The following CSMD3 variants were observed in gnomAD, a reference collection of about 807,000 sequenced individuals.
CSMD3 encodes the protein CUB and sushi domain-containing protein 3.
A neutral mutation model predicts 435.2 loss-of-function variants in CSMD3; 177 were observed. That is an observed-to-expected ratio of 0.41 (90% confidence interval 0.36 to 0.46). The LOEUF is 0.46. CSMD3 is among the 20% of genes least tolerant of loss of function. CSMD3 has a pLI of 0.34. For synonymous variants in CSMD3, 1,656 were observed against 1,520.5 expected, an observed-to-expected ratio of 1.09 and a Z score of -2.07; for missense variants, 4,265 against 4,504.6, an observed-to-expected ratio of 0.95 and a Z score of 1.52.
intron 3 of CSMD3, among the ~76,000 whole-genome samples, chr8:113,203,513 C>G (rs2092736454): frequency 6.6e-6 from 1 of 151,830 alleles, no homozygotes; most frequent in South Asian, 2.1e-4. Flanking sequence ...CTCAAGTGAT[C>G]TTTCTGCCTC....
intron 1 of CSMD3, among the ~76,000 whole-genome samples, chr8:113,384,441 C>T (rs78526452): frequency 0.024 from 3,591 of 152,142 alleles, 63 homozygotes; most frequent in Non-Finnish European, 0.037. Flanking sequence ...ATAGAAAGAA[C>T]GTATGTTTAG....
rs1196712640 is a variant in CSMD3, at chr8:112,846,128, CT to C, written c.1755+13016del. Among the ~76,000 whole-genome samples the C allele has an allele frequency of 3.3e-5, 5 of 151,456 alleles. No individual in the cohort carries two copies. The South Asian group carries it at 1.0e-3, about 32-fold the overall frequency. On this transcript the variant is annotated intron_variant, in intron 11 of 70. Transcript: ENST00000297405. ...AATGAAGCATATATCTTATTTGATA[CT>C]TTTTTTGTTAGTACAAAATTAAAGT...
chr8:113,085,347 T>G (rs1564295758), intron 5 of CSMD3, among the ~76,000 whole-genome samples: 1 of 152,044 alleles, frequency 6.6e-6, no homozygotes, highest in South Asian at 2.1e-4. Context: ...TAAATCACTA[T>G]AGCCATTATA....
chr8:112,949,973 G>C (rs1205262067), intron 8 of CSMD3, among the ~76,000 whole-genome samples: 1 of 151,758 alleles, frequency 6.6e-6, no homozygotes, highest in Admixed American at 6.6e-5. Flanking sequence ...TCTTCCAAAA[G>C]ATAATCACTC....
intron 31 of CSMD3, among the ~76,000 whole-genome samples, chr8:112,482,015 A>G (rs1042950225): frequency 1.3e-5 from 2 of 152,196 alleles, no homozygotes; most frequent in Non-Finnish European, 2.9e-5. Flanking sequence ...ACTAAAAAAA[A>G]AAAATTCCAT....
intron 22 of CSMD3, among the ~76,000 whole-genome samples, chr8:112,603,898 TAACA>T (rs1832582748): frequency 6.6e-6 from 1 of 152,152 alleles, no homozygotes; most frequent in South Asian, 2.1e-4. Context: ...AAGGCACTGG[TAACA>T]AACAAAAATC....
intron 1 of CSMD3, among the ~76,000 whole-genome samples, chr8:113,321,672 T>C (rs28453366): frequency 9.2e-4 from 140 of 152,290 alleles, no homozygotes; most frequent in Admixed American, 1.4e-3. Flanking sequence ...TTTGACTGAA[T>C]AAATACTTTC....
intron 36 of CSMD3, among the ~76,000 whole-genome samples, chr8:112,385,793 C>T (rs935796857): frequency 1.3e-5 from 2 of 151,938 alleles, no homozygotes; most frequent in Non-Finnish European, 2.9e-5. Flanking sequence ...GTAGCAAGAG[C>T]AAAAATGTAG....
intron 4 of CSMD3, among the ~76,000 whole-genome samples, chr8:113,140,609 A>G (rs1465111188): frequency 1.3e-5 from 2 of 151,230 alleles, no homozygotes; most frequent in African/African-American, 4.8e-5. Flanking sequence ...TCAGAGATAA[A>G]AGAAAAATCT....
chr8:113,324,040 T>C (rs372372369), intron 1 of CSMD3, among the ~76,000 whole-genome samples: 127 of 152,256 alleles, frequency 8.3e-4, no homozygotes, highest in African/African-American at 2.9e-3. Context: ...ATTTAGGATA[T>C]CTGGTGGAAG....
At chr8:113,282,176 T>C (rs896003321) in intron 2 of CSMD3, among the ~76,000 whole-genome samples, 4 of 152,076 alleles carry the variant, frequency 2.6e-5, no homozygotes, top group Middle Eastern at 6.8e-3. Flanking sequence ...AAGACAAGGA[T>C]GCCCAATCTC....
chr8:112,562,894 A>C (rs1159938807), intron 24 of CSMD3, among the ~76,000 whole-genome samples: 2 of 151,768 alleles, frequency 1.3e-5, no homozygotes, highest in African/African-American at 2.4e-5. Flanking sequence ...TATTTAGCTA[A>C]CATACTTTCC....
Position 112,666,264 on chromosome 8 carries a change from A to C in CSMD3, c.2816+13T>G. ...AATATTTTCTTTAAAAGTAGGAAAA[A>C]TATTTGTGAGACCTTTCAAATGTAA... On this transcript the variant is annotated intron_variant, in intron 17 of 70. Transcript: ENST00000297405. The C allele has an allele frequency of 6.3e-7, 1 of 1,599,074 alleles. No homozygotes were observed. The highest frequency in any genetic ancestry group is 8.6e-7 in the Non-Finnish European group (1 of 1,167,928).
At position 112,335,309 on chromosome 8, in the gene CSMD3, A is replaced by G. The variant is rs756605173; in HGVS notation, c.7165+20T>C. The G allele has an allele frequency of 1.2e-6, 2 of 1,610,072 alleles. No individual in the cohort carries two copies. The highest frequency in any genetic ancestry group is 1.7e-6 in the Non-Finnish European group (2 of 1,176,482). ...ATTAAACAGTAGCAAATGAAATAGG[A>G]ACTCTCAGATAATACCAACCGTGAT... On this transcript the variant is annotated intron_variant, in intron 45 of 70. Transcript: ENST00000297405.
chr8:113,392,986 T>C (rs964273838), intron 1 of CSMD3, among the ~76,000 whole-genome samples: 8 of 151,786 alleles, frequency 5.3e-5, no homozygotes, highest in Admixed American at 2.6e-4. Context: ...TATATACATA[T>C]GTATATATAT....
intron 32 of CSMD3, among the ~76,000 whole-genome samples, chr8:112,419,611 A>T (rs1489624095): frequency 6.6e-6 from 1 of 152,218 alleles, no homozygotes. Flanking sequence ...GACTAAATCC[A>T]TAATATCTAC....
At position 112,788,571 on chromosome 8, in the gene CSMD3, G is replaced by A. The variant is rs148223131; in HGVS notation, c.1972+11591C>T. On this transcript the variant is annotated intron_variant, in intron 13 of 70. Coordinates refer to ENST00000297405, the MANE Select transcript of CSMD3 (RefSeq NM_198123.2). ...CTGTTTTTCATTTTTAGTATTAATC[G>A]CACTTAAAATTATTTTTAAGTATCA... Among the ~76,000 whole-genome samples, 9 of 152,022 alleles carry A rather than the reference G, an allele frequency of 5.9e-5. No homozygotes were observed. The South Asian group carries it at 8.3e-4, about 14-fold the overall frequency.
chr8:112,261,969 A>T (rs946871860), intron 61 of CSMD3, among the ~76,000 whole-genome samples: 2 of 152,112 alleles, frequency 1.3e-5, no homozygotes, highest in Non-Finnish European at 2.9e-5. Flanking sequence ...TATTGATTAC[A>T]TTGTACAAGT....
intron 22 of CSMD3, among the ~76,000 whole-genome samples, chr8:112,604,348 T>C (rs1435808329): frequency 6.6e-6 from 1 of 152,080 alleles, no homozygotes; most frequent in African/African-American, 2.4e-5. Flanking sequence ...TTTTTTCTAA[T>C]TATGTGAAAA....
Sources: gnomAD v4.1 joint callset for allele counts (sites outside exome capture counted in the v4.1 genomes callset) on GRCh38, gnomAD v4.1.1 for gene constraint, MANE v1.5 for transcripts, NCBI Gene and HGNC (gene_info 2026-07-23, HGNC 2026-07-21) for gene names.